The following RIMS1 variants were observed in gnomAD, a reference collection of about 807,000 sequenced individuals.
The protein encoded by RIMS1 is regulating synaptic membrane exocytosis 1.
In RIMS1, 83 loss-of-function variants were observed where a neutral mutation model predicts 214.1. The ratio of observed to expected loss-of-function variants is 0.39; its 90% CI spans 0.32 to 0.47. The LOEUF (loss-of-function observed/expected upper bound fraction) is 0.47, where lower values mean the gene tolerates loss of function less well. Among genes scored for constraint, RIMS1 ranks in the 20% least tolerant of loss-of-function variants. The pLI, the probability that RIMS1 is intolerant of heterozygous loss-of-function variation, is 0.99. For synonymous variants in RIMS1, 793 were observed against 786.8 expected (o/e 1.01, Z -0.13); for missense variants, 2,050 against 2,161.8 (o/e 0.95, Z 1.03).
At chr6:72,189,308 G>C (rs920790769) in intron 6 of RIMS1, among the ~76,000 whole-genome samples, 3 of 152,198 alleles carry the variant, frequency 2.0e-5, no homozygotes, top group Non-Finnish European at 4.4e-5. Context: ...CAATCCAGCT[G>C]CTTCAGGATG....
At chr6:72,321,264 A>T (rs1011711214) in intron 28 of RIMS1, among the ~76,000 whole-genome samples, 1 of 152,038 alleles carries the variant, frequency 6.6e-6, no homozygotes, top group African/African-American at 2.4e-5. Context: ...ATTCATCTTT[A>T]ATTTTATGAC....
At chr6:72,375,412 A>G (rs1403109968) in intron 29 of RIMS1, among the ~76,000 whole-genome samples, 1 of 152,158 alleles carries the variant, frequency 6.6e-6, no homozygotes, top group Non-Finnish European at 1.5e-5. Context: ...ATCACTCAGT[A>G]AATATATAAC....
Position 72,263,348 on chromosome 6 carries a change from C to A in RIMS1, c.3117-1627C>A, listed in dbSNP as rs1347549685. On this transcript the variant is annotated intron_variant, in intron 19 of 33. Coordinates refer to ENST00000521978, the MANE Select transcript of RIMS1 (RefSeq NM_014989.7). ...TTGCCTTACTGTATCCTACTGTGTC[C>A]TAAATATTGTGTACATGTTACCACA... 5.1e-6 allele frequency: 5 copies of A among 984,698 alleles called. No homozygotes were observed. The African/African-American group carries it at 8.8e-5, about 17-fold the overall frequency. 61.0% of individuals were successfully genotyped at this position (984,698 alleles called of 1,614,324 possible). A position where few individuals can be genotyped will look rare whatever the true frequency, so the allele number is the denominator to read the frequency against.
chr6:72,354,349 AT>A (rs2097560601), intron 29 of RIMS1, among the ~76,000 whole-genome samples: 2 of 152,148 alleles, frequency 1.3e-5, no homozygotes, highest in Non-Finnish European at 2.9e-5. Context: ...CTAGAACTCT[AT>A]TTTATTAAAT....
intron 6 of RIMS1, among the ~76,000 whole-genome samples, chr6:72,215,753 T>C (rs2055682898): frequency 1.3e-5 from 2 of 152,204 alleles, no homozygotes; most frequent in South Asian, 4.1e-4. Flanking sequence ...AGCAAACAGA[T>C]TCTGAGTGAG....
chr6:72,097,745 G>T (rs1036152283), intron 3 of RIMS1, among the ~76,000 whole-genome samples: 2 of 152,032 alleles, frequency 1.3e-5, no homozygotes, highest in Admixed American at 6.6e-5. Flanking sequence ...ATTCTTACCT[G>T]ATGATGTTTC....
chr6:72,345,363 C>A (rs2097223548), intron 29 of RIMS1, among the ~76,000 whole-genome samples: 1 of 151,574 alleles, frequency 6.6e-6, no homozygotes, highest in East Asian at 1.9e-4. Flanking sequence ...AAACCATTAG[C>A]AATAATAGTT....
intron 4 of RIMS1, among the ~76,000 whole-genome samples, chr6:72,115,760 C>A (rs1029084157): frequency 6.6e-6 from 1 of 151,724 alleles, no homozygotes; most frequent in East Asian, 1.9e-4. Context: ...AATCACAGCT[C>A]GAGGTTCATT....
chr6:72,288,560 G>C (rs142994742), intron 24 of RIMS1, among the ~76,000 whole-genome samples: 1 of 152,140 alleles, frequency 6.6e-6, no homozygotes, highest in Non-Finnish European at 1.5e-5. Context: ...TCATTGAAAA[G>C]ATCAGGGCAC....
intron 29 of RIMS1, among the ~76,000 whole-genome samples, chr6:72,338,800 T>A (rs1420202218): frequency 6.8e-6 from 1 of 147,912 alleles, no homozygotes; most frequent in Non-Finnish European, 1.5e-5. Context: ...GGGCCTGAAT[T>A]TAAACCCAGG....
At chr6:72,254,588 C>G (rs915686647) in intron 16 of RIMS1, among the ~76,000 whole-genome samples, 3 of 152,102 alleles carry the variant, frequency 2.0e-5, no homozygotes, top group Admixed American at 1.3e-4. Context: ...GTGAGTGGTT[C>G]CCAAATTTCA....
chr6:72,170,385 C>T (rs1852704), intron 4 of RIMS1, among the ~76,000 whole-genome samples: 72,820 of 151,894 alleles, frequency 0.48, 18,643 homozygotes, highest in East Asian at 0.83. Flanking sequence ...GCACTGTTGC[C>T]CAGGCTGGCA....
At chr6:71,890,655 A>C (rs1769526141) in intron 1 of RIMS1, among the ~76,000 whole-genome samples, 1 of 151,128 alleles carries the variant, frequency 6.6e-6, no homozygotes, top group Non-Finnish European at 1.5e-5. Flanking sequence ...TAGAGAGTTA[A>C]GGCGATGGTT....
rs545377818 is a variant in RIMS1 at position 72,352,295 on chromosome 6, T to C, written c.4366+18460T>C. On this transcript the variant is annotated intron_variant, in intron 29 of 33. Transcript: ENST00000521978. Reference sequence around the variant, plus strand: ...ATGAAGACTGGGTTTATCAGGTACATACAATGAGTCATACTGGCACAATTC... The same window carrying C: ...ATGAAGACTGGGTTTATCAGGTACACACAATGAGTCATACTGGCACAATTC... Among the ~76,000 whole-genome samples the C allele has an allele frequency of 2.0e-5, 3 of 152,338 alleles. No individual in the cohort carries two copies. In the East Asian group the frequency reaches 5.8e-4, roughly 29 times the overall value.
intron 29 of RIMS1, among the ~76,000 whole-genome samples, chr6:72,362,701 AGAAC>A (rs2097863769): frequency 6.6e-6 from 1 of 152,204 alleles, no homozygotes; most frequent in Non-Finnish European, 1.5e-5. Flanking sequence ...ATAAATAGGT[AGAAC>A]TCTTGTCAAA....
At chr6:72,394,999 G>A (rs1019395527) in intron 31 of RIMS1, among the ~76,000 whole-genome samples, 2 of 151,896 alleles carry the variant, frequency 1.3e-5, no homozygotes, top group African/African-American at 4.8e-5. Flanking sequence ...TAGAGAATGG[G>A]AAATATAGTG....
chr6:72,261,945 A>C, intron 19 of RIMS1: 2 of 984,562 alleles, frequency 2.0e-6, no homozygotes, highest in Non-Finnish European at 2.4e-6. Flanking sequence ...CAGGTTTATT[A>C]TTACTTGTTC....
intron 6 of RIMS1, among the ~76,000 whole-genome samples, chr6:72,229,510 T>C (rs933155831): frequency 3.3e-5 from 5 of 151,936 alleles, no homozygotes; most frequent in African/African-American, 1.2e-4. Flanking sequence ...AATATTTATT[T>C]CTTATCCCTG....
At position 72,372,298 on chromosome 6, in the gene RIMS1, T is replaced by C. The variant is rs139727126; in HGVS notation, c.4367-18300T>C. Among the ~76,000 whole-genome samples the C allele has an allele frequency of 4.4e-3, 674 of 152,342 alleles. 2 individuals are homozygous for C. The highest frequency in any genetic ancestry group is 7.1e-3 in the Non-Finnish European group (485 of 68,036). On this transcript the variant is annotated intron_variant, in intron 29 of 33. Transcript: ENST00000521978. ...TTGAGATTGAAGATATATATTTCCATGGCATTTAACCTTTACAAAATTACC... is the reference window on the plus strand; with the variant it reads ...TTGAGATTGAAGATATATATTTCCACGGCATTTAACCTTTACAAAATTACC...
Sources: allele counts gnomAD v4.1 joint callset (sites outside exome capture counted in the v4.1 genomes callset), GRCh38; gene constraint gnomAD v4.1.1; transcripts MANE v1.5; gene names NCBI Gene and HGNC (gene_info 2026-07-23, HGNC 2026-07-21).